Variants in CCPG1 observed in about 807,000 individuals in gnomAD.
CCPG1 encodes the protein cell cycle progression protein 1.
CCPG1 carries 46 observed loss-of-function variants against 81.3 expected under a neutral mutation model. That is an observed-to-expected ratio of 0.57 (90% CI 0.45 to 0.72). The LOEUF is 0.72. CCPG1 is among the 30% of genes least tolerant of loss of function. The pLI, the probability that CCPG1 is intolerant of heterozygous loss-of-function variation, is 0.00. For synonymous variants in CCPG1, 330 were observed against 305.2 expected, an observed-to-expected ratio of 1.08 and a Z score of -0.85; for missense variants, 902 against 937.6, an observed-to-expected ratio of 0.96 and a Z score of 0.50.
At chr15:55,356,654 A>G in intron 8 of CCPG1, 1 of 1,197,536 alleles carries the variant, frequency 8.4e-7, no homozygotes, top group Non-Finnish European at 1.0e-6. Context: ...AAAAGATAAC[A>G]AAGAAAAGAA....
intron 5 of CCPG1, chr15:55,373,077 A>G (rs761664198): frequency 7.7e-6 from 4 of 516,708 alleles, no homozygotes; most frequent in South Asian, 6.0e-5. Flanking sequence ...CTTTATGAAA[A>G]TAATAGTAGA....
At chr15:55,393,631 ATT>A (rs2056964426) in intron 1 of CCPG1, among the ~76,000 whole-genome samples, 1 of 152,036 alleles carries the variant, frequency 6.6e-6, no homozygotes, top group South Asian at 2.1e-4. Flanking sequence ...TTATTTTATT[ATT>A]TTTATCATTA....
In CCPG1 at chr15:55,385,652, T is replaced by C. The variant is rs1257068195; in HGVS notation, c.123A>G (p.Glu41=). ...GCTCCTCTTGCTCTAAAGATGAACA[T>C]TCTGGGGCGGGCTCACAGCTGTCAG... ...TPTDSCEPAP[E]CSSLEQEELQ... is the part of the protein sequence containing the mutation. The change falls in exon 3 of 9, where the codon GAA becomes GAG. Residue 41 remains glutamate, a synonymous_variant. Coordinates refer to ENST00000442196, the MANE Select transcript of CCPG1 (RefSeq NM_001204450.2). 3 of 1,612,764 alleles carry C rather than the reference T, an allele frequency of 1.9e-6. No individual in the cohort carries two copies. The Admixed American group carries it at 5.0e-5, about 27-fold the overall frequency.
Position 55,395,645 on chromosome 15 carries a change from A to C in CCPG1, c.-9-6212T>G, listed in dbSNP as rs759616152. ...CTCTGCTTGTCTCAGCTAACGGTTC[A>C]TTTCCTTTGAGAACCATCCCTTGAC... On this transcript the variant is annotated intron_variant, in intron 1 of 8. Transcript: ENST00000442196. 3.3e-5 allele frequency among the ~76,000 whole-genome samples: 5 copies of C among 151,944 alleles called. 1 individual carries two copies. Among genetic ancestry groups the C allele is most frequent in the Admixed American group, 1.3e-4 (2 of 15,214 alleles).
intron 2 of CCPG1, 141 bp downstream of exon 2, chr15:55,389,224 G>T: frequency 1.6e-6 from 1 of 630,230 alleles, no homozygotes; most frequent in Non-Finnish European, 2.9e-6. Flanking sequence ...TTTCAGCAGT[G>T]AAGTTTAATA....
At chr15:55,365,115 A>G (rs1247863117) in intron 7 of CCPG1, 73 bp downstream of exon 7, 51 of 858,358 alleles carry the variant, frequency 5.9e-5, no homozygotes, top group Non-Finnish European at 8.8e-5. Context: ...CTGCACTAAT[A>G]AGCACAATAA....
intron 2 of CCPG1, 117 bp downstream of exon 2, chr15:55,389,248 G>C: frequency 2.9e-6 from 2 of 693,380 alleles, no homozygotes; most frequent in Admixed American, 5.2e-5. Flanking sequence ...GAGGGAAAAT[G>C]TCCATTGGAA....
At chr15:55,359,419 G>T in intron 8 of CCPG1, 120 bp downstream of exon 8, 2 of 1,443,320 alleles carry the variant, frequency 1.4e-6, no homozygotes, top group South Asian at 1.7e-5. Context: ...TCTCTCAGTG[G>T]CCATAAAGCA....
intron 1 of CCPG1, among the ~76,000 whole-genome samples, chr15:55,391,958 G>A (rs925688996): frequency 2.9e-5 from 4 of 137,556 alleles, no homozygotes; most frequent in Admixed American, 7.9e-5. Context: ...CGGAAGGACC[G>A]CTCAAGTCCA....
At chr15:55,358,258 AG>A in intron 8 of CCPG1, 1 of 494,842 alleles carries the variant, frequency 2.0e-6, no homozygotes, top group African/African-American at 2.1e-5. Flanking sequence ...ATTGTAAAGA[AG>A]GAAAAAGAAA....
chr15:55,381,425 G>C lies in CCPG1; in HGVS notation c.176-3049C>G, dbSNP rs1002104689. 2.6e-5 allele frequency among the ~76,000 whole-genome samples: 4 copies of C among 152,296 alleles called. No homozygotes were observed. The East Asian group carries it at 7.7e-4, about 29-fold the overall frequency. On this transcript the variant is annotated intron_variant, in intron 3 of 8. Coordinates refer to ENST00000442196, the MANE Select transcript of CCPG1 (RefSeq NM_001204450.2). Reference sequence around the variant, plus strand: ...CACTCCAGCCTGGGCAACAGTGCGAGACTCTGTCTCATAAAGAAAAAGAAA... The same window carrying C: ...CACTCCAGCCTGGGCAACAGTGCGACACTCTGTCTCATAAAGAAAAAGAAA...
chr15:55,406,027 G>A (rs947338355), intron 1 of CCPG1, among the ~76,000 whole-genome samples: 1 of 152,172 alleles, frequency 6.6e-6, no homozygotes, highest in African/African-American at 2.4e-5. Context: ...ACCATGCCCA[G>A]CTAATTTTTG....
intron 6 of CCPG1, among the ~76,000 whole-genome samples, chr15:55,368,739 G>A (rs2056383643): frequency 6.6e-6 from 1 of 152,180 alleles, no homozygotes; most frequent in South Asian, 2.1e-4. Flanking sequence ...CTGCAGTATA[G>A]ATCTGCCAAT....
chr15:55,375,150 G>A, intron 5 of CCPG1, among the ~76,000 whole-genome samples: 1 of 152,142 alleles, frequency 6.6e-6, no homozygotes, highest in East Asian at 1.9e-4. Flanking sequence ...TCAGAAAGAA[G>A]ATAAATATTA....
At position 55,359,836 on chromosome 15, in the gene CCPG1, G is replaced by A. The variant is rs17857027; in HGVS notation, c.1937C>T (p.Thr646Ile). The A allele has an allele frequency of 6.2e-7, 1 of 1,613,438 alleles. No homozygotes were observed. Among genetic ancestry groups the A allele is most frequent in the South Asian group, 1.1e-5 (1 of 91,042 alleles). ...ATCCATCCTTATAGGATTCACCACT[G>A]TGTTAAAAAGGCTCATGGACTCTTG... ...AQQESMSLFN[T>I]VVNPIRMDEF... The change falls in exon 8 of 9, where the codon ACA becomes ATA. Residue 646 changes from threonine to isoleucine, a missense_variant. Thr to Ile is a moderately conservative substitution (Grantham distance 89, BLOSUM62 -1). Coordinates refer to ENST00000442196, the MANE Select transcript of CCPG1 (RefSeq NM_001204450.2).
At chr15:55,396,928 G>A (rs1489289077) in intron 1 of CCPG1, among the ~76,000 whole-genome samples, 3 of 152,176 alleles carry the variant, frequency 2.0e-5, no homozygotes, top group African/African-American at 7.2e-5. Flanking sequence ...AGATAAGCCG[G>A]GCGCGGTGGC....
intron 8 of CCPG1, chr15:55,356,965 G>A (rs2056091152): frequency 1.3e-5 from 13 of 985,644 alleles, no homozygotes; most frequent in Non-Finnish European, 1.6e-5. Flanking sequence ...TAAAAAGCAT[G>A]ACACATTTAT....
At position 55,359,954 on chromosome 15, in the gene CCPG1, T is replaced by C. The variant is rs534361577; in HGVS notation, c.1819A>G (p.Thr607Ala). The change falls in exon 8 of 9, where the codon ACA becomes GCA. Residue 607 changes from threonine (T) to alanine (A), a missense_variant. Thr to Ala is a moderately conservative substitution (Grantham distance 58, BLOSUM62 0). Transcript: ENST00000442196. ...CCAGGACTGCATTTCTTTGAATTTG[T>C]ATTTTTTCTGAATTCTTTAAAGTGA... Reference protein sequence around the residue: ...PVHFKEFRKNTNSKKCSPGHD... With the variant: ...PVHFKEFRKNANSKKCSPGHD... 2 of 1,613,210 alleles carry C rather than the reference T, an allele frequency of 1.2e-6. No individual in the cohort carries two copies. The highest frequency in any genetic ancestry group is 2.7e-5 in the African/African-American group (2 of 74,978).
At chr15:55,356,538 C>T in intron 8 of CCPG1, 129 bp from the exon 9 acceptor site, 4 of 1,280,490 alleles carry the variant, frequency 3.1e-6, no homozygotes, top group Non-Finnish European at 4.1e-6. Flanking sequence ...ATCTGAATTA[C>T]AATCCTAGTA....
Sources: allele counts gnomAD v4.1 joint callset (sites outside exome capture counted in the v4.1 genomes callset), GRCh38; gene constraint gnomAD v4.1.1; transcripts MANE v1.5; gene names NCBI Gene and HGNC (gene_info 2026-07-23, HGNC 2026-07-21).